Variants in PLCB1 observed in about 807,000 individuals in gnomAD.
PLCB1 encodes the protein 1-phosphatidylinositol 4,5-bisphosphate phosphodiesterase beta-1.
Under a neutral mutation model 161.8 loss-of-function variants are expected in PLCB1, and 46 were observed. That is an observed-to-expected ratio of 0.28 (90% CI 0.22 to 0.36). The LOEUF (loss-of-function observed/expected upper bound fraction) is 0.36, where lower values mean the gene tolerates loss of function less well. PLCB1 is among the 10% of genes least tolerant of loss of function. The probability of loss-of-function intolerance (pLI) is 1.00; values close to 1 mark genes in which losing one functional copy is unlikely to be tolerated. For synonymous variants in PLCB1, 517 were observed against 503.7 expected (o/e 1.03, Z -0.35); for missense variants, 1,016 against 1,472.5 (o/e 0.69, Z 5.07).
intron 5 of PLCB1, 39 bp from the exon 6 acceptor site, chr20:8,647,861 T>TA (rs757164427): frequency 3.2e-6 from 5 of 1,572,088 alleles, no homozygotes; most frequent in Admixed American, 1.7e-5. Context: ...AAAGCTTTTT[T>TA]AAAAAAATCA....
intron 2 of PLCB1, among the ~76,000 whole-genome samples, chr20:8,240,210 C>G (rs1484479513): frequency 2.0e-5 from 3 of 151,702 alleles, no homozygotes; most frequent in Non-Finnish European, 4.4e-5. Context: ...ACCTCTCAGT[C>G]TCCCAAACAA....
intron 2 of PLCB1, among the ~76,000 whole-genome samples, chr20:8,269,991 G>C (rs951478192): frequency 6.6e-6 from 1 of 152,070 alleles, no homozygotes; most frequent in African/African-American, 2.4e-5. Flanking sequence ...AGCTGAAAAG[G>C]ACACTTTTCT....
At chr20:8,486,196 A>T (rs564401295) in intron 3 of PLCB1, among the ~76,000 whole-genome samples, 10 of 152,274 alleles carry the variant, frequency 6.6e-5, no homozygotes, top group African/African-American at 2.2e-4. Flanking sequence ...GGGAACTACA[A>T]TCTAGATGAG....
rs1033413025 is a variant in PLCB1, at chr20:8,801,343, C to T, written c.3423+11082C>T. On this transcript the variant is annotated intron_variant, in intron 31 of 31. Transcript: ENST00000338037. ...ACCCCCCTCCACCACTCTCCCATCC[C>T]TGCCATCCTCTCTCCTGTTTATTCT... Among the ~76,000 whole-genome samples the T allele has an allele frequency of 2.0e-5, 3 of 152,204 alleles. No individual in the cohort carries two copies. In the East Asian group the frequency reaches 5.8e-4, roughly 29 times the overall value.
Position 8,869,289 on chromosome 20 carries a change from A to G in PLCB1, c.3424-12333A>G, listed in dbSNP as rs1987534430. On this transcript the variant is annotated intron_variant, in intron 31 of 31. Transcript: ENST00000338037. ...AATCAAAATTTGTTTCCTAATTCAC[A>G]ATCATTTTTATGCCCAGCTGAGTCT... 2.0e-5 allele frequency among the ~76,000 whole-genome samples: 3 copies of G among 152,160 alleles called. No individual in the cohort carries two copies. The South Asian group carries it at 6.2e-4, about 32-fold the overall frequency.
chr20:8,206,755 G>A (rs1978554044), intron 2 of PLCB1, among the ~76,000 whole-genome samples: 1 of 151,298 alleles, frequency 6.6e-6, no homozygotes. Context: ...CACAAAGATA[G>A]TCATTATAAA....
intron 3 of PLCB1, among the ~76,000 whole-genome samples, chr20:8,399,658 A>G (rs1184794121): frequency 2.0e-5 from 3 of 152,116 alleles, no homozygotes; most frequent in African/African-American, 7.2e-5. Context: ...CCAAGAAAAA[A>G]CTATTTTTCC....
chr20:8,214,918 G>T (rs1248087796), intron 2 of PLCB1, among the ~76,000 whole-genome samples: 5 of 152,078 alleles, frequency 3.3e-5, no homozygotes, highest in African/African-American at 1.2e-4. Context: ...GCTGTGGAGG[G>T]CAAGACAGAC....
intron 9 of PLCB1, among the ~76,000 whole-genome samples, chr20:8,665,922 AC>A (rs1433856994): frequency 6.6e-6 from 1 of 152,092 alleles, no homozygotes; most frequent in Non-Finnish European, 1.5e-5. Flanking sequence ...ATGGGATGAG[AC>A]CAGCAATGTA....
chr20:8,798,806 A>G lies in PLCB1; in HGVS notation c.3423+8545A>G, dbSNP rs79084806. Among the ~76,000 whole-genome samples the G allele has an allele frequency of 5.0e-3, 769 of 152,360 alleles. 6 individuals are homozygous for G. Among genetic ancestry groups the G allele is most frequent in the African/African-American group, 0.018 (736 of 41,590 alleles). On this transcript the variant is annotated intron_variant, in intron 31 of 31. Transcript: ENST00000338037. ...CCCACAATAGCTGGAAACATACAGA[A>G]AGGGAACTCTGGGAAATATAGTTTG...
intron 31 of PLCB1, among the ~76,000 whole-genome samples, chr20:8,793,479 A>G (rs1297142088): frequency 6.6e-6 from 1 of 152,138 alleles, no homozygotes; most frequent in Admixed American, 6.6e-5. Flanking sequence ...GACAGAGTAA[A>G]AAAGAGAGAA....
chr20:8,276,962 C>A (rs1294643663), intron 2 of PLCB1, among the ~76,000 whole-genome samples: 4 of 125,466 alleles, frequency 3.2e-5, no homozygotes, highest in East Asian at 2.5e-4. Context: ...TCTTCTTCTT[C>A]TTCTTCTTCT....
intron 2 of PLCB1, among the ~76,000 whole-genome samples, chr20:8,259,769 C>T (rs1981602382): frequency 6.6e-6 from 1 of 152,114 alleles, no homozygotes; most frequent in African/African-American, 2.4e-5. Context: ...AAATAATTTT[C>T]AGAATTAGTA....
rs145032128 is a variant in PLCB1, at chr20:8,231,439, C to T, written c.177+81068C>T. The stretch of plus-strand genomic sequence containing the variant: ...GAGCAAAATCACCAATGCATAAGAA[C>T]CACTACCTTAGACCTATCTGTTTTC... On this transcript the variant is annotated intron_variant, in intron 2 of 31. Coordinates refer to ENST00000338037, the MANE Select transcript of PLCB1 (RefSeq NM_015192.4). 1.6e-3 allele frequency among the ~76,000 whole-genome samples: 238 copies of T among 152,252 alleles called. 1 individual carries two copies. The highest frequency in any genetic ancestry group is 5.6e-3 in the African/African-American group (231 of 41,554).
At chr20:8,240,118 T>C (rs1230299894) in intron 2 of PLCB1, among the ~76,000 whole-genome samples, 1 of 151,824 alleles carries the variant, frequency 6.6e-6, no homozygotes, top group Non-Finnish European at 1.5e-5. Context: ...TTAAAACGAA[T>C]TGTAATTACA....
chr20:8,446,254 A>C (rs538662531), intron 3 of PLCB1, among the ~76,000 whole-genome samples: 1 of 152,342 alleles, frequency 6.6e-6, no homozygotes, highest in African/African-American at 2.4e-5. Flanking sequence ...CTGGTTCAAC[A>C]TATGCAAATC....
At chr20:8,386,021 TTCTAATAATAATTATTG>T (rs1187000951) in intron 3 of PLCB1, among the ~76,000 whole-genome samples, 2 of 152,244 alleles carry the variant, frequency 1.3e-5, no homozygotes, top group Non-Finnish European at 2.9e-5. Flanking sequence ...CACCTTTAGG[TTCTAATAATAATTATTG>T]TCCTCTAGCA....
chr20:8,455,735 G>A (rs966390999), intron 3 of PLCB1, among the ~76,000 whole-genome samples: 1 of 152,064 alleles, frequency 6.6e-6, no homozygotes, highest in Non-Finnish European at 1.5e-5. Context: ...TTAGTTCTGT[G>A]GCTGTGTGAG....
chr20:8,146,958 G>GA (rs2051459817), intron 1 of PLCB1, among the ~76,000 whole-genome samples: 2 of 152,052 alleles, frequency 1.3e-5, no homozygotes, highest in Non-Finnish European at 2.9e-5. Flanking sequence ...ACATTTATCA[G>GA]AAAAAATACA....
Sources: gnomAD v4.1 joint callset for allele counts (sites outside exome capture counted in the v4.1 genomes callset) on GRCh38, gnomAD v4.1.1 for gene constraint, MANE v1.5 for transcripts, NCBI Gene and HGNC (gene_info 2026-07-23, HGNC 2026-07-21) for gene names.